The following ZNF829 variants were observed in gnomAD, a reference collection of about 807,000 sequenced individuals.
ZNF829 encodes zinc finger protein 829.
In ZNF829, 25 loss-of-function variants were observed where a neutral mutation model predicts 35.2. The ratio of observed to expected loss-of-function variants is 0.71; its 90% CI spans 0.52 to 0.99. The LOEUF (loss-of-function observed/expected upper bound fraction) is 0.99. Ranked by LOEUF, ZNF829 falls within the 50% of genes least tolerant of loss-of-function variation. ZNF829 has a pLI of 0.00. For synonymous variants in ZNF829, 136 were observed against 163.2 expected, an observed-to-expected ratio of 0.83 and a Z score of 1.27; for missense variants, 417 against 515.3, an observed-to-expected ratio of 0.81 and a Z score of 1.85.
chr19:36,902,610 A>T (rs1337438040), intron 5 of ZNF829, among the ~76,000 whole-genome samples: 1 of 151,782 alleles, frequency 6.6e-6, no homozygotes, highest in Non-Finnish European at 1.5e-5. Flanking sequence ...GCACCACTGC[A>T]CTCCAGCCTG....
At chr19:36,902,909 G>A (rs1482296313) in intron 5 of ZNF829, among the ~76,000 whole-genome samples, 3 of 152,076 alleles carry the variant, frequency 2.0e-5, no homozygotes, top group Admixed American at 6.5e-5. Context: ...GGTGGCGCAC[G>A]CCTGTAATCC....
At chr19:36,902,066 G>A (rs2073171293) in intron 5 of ZNF829, 1 of 499,790 alleles carries the variant, frequency 2.0e-6, no homozygotes, top group South Asian at 2.2e-5. Flanking sequence ...GGTTATCTAT[G>A]TATCTGTTAC....
At position 36,908,333 on chromosome 19, in the gene ZNF829, C is replaced by A. The variant is rs2073235800; in HGVS notation, c.223G>T (p.Gly75Ter). 1.9e-6 allele frequency: 3 copies of A among 1,611,376 alleles called. No individual in the cohort carries two copies. The highest frequency in any genetic ancestry group is 2.5e-6 in the Non-Finnish European group (3 of 1,178,746). Reference protein sequence around the residue: ...LENFSNLVSVGLSNSKPAVIS... With the variant: ...LENFSNLVSV ...AATTTTGGGGAATAGTTATCCTTACCCACTGAAACCAGGTTGCTGAAATTC... is the reference window on the plus strand; with the variant it reads ...AATTTTGGGGAATAGTTATCCTTACACACTGAAACCAGGTTGCTGAAATTC... The change falls in exon 4 of 6, where the codon GGA becomes TGA. Residue 75 changes from glycine to a stop codon, truncating the protein, a stop_gained and splice_region_variant. Coordinates refer to ENST00000391711, the MANE Select transcript of ZNF829 (RefSeq NM_001037232.4). LOFTEE classifies it high-confidence loss of function.
chr19:36,914,968 G>A lies in ZNF829; in HGVS notation c.93C>T (p.Ser31=). ...RMHDELLQAV[S]KGPVMFRDVS... The stretch of plus-strand genomic sequence containing the variant: ...AAAAGAGGAAACCCCAACACACCTT[G>A]GATACTGCTTGTAGAAGTTCATCAT... The change falls in exon 3 of 6, where the codon TCC becomes TCT. Residue 31 remains serine (S), a synonymous_variant. Coordinates refer to ENST00000391711, the MANE Select transcript of ZNF829 (RefSeq NM_001037232.4). 1 of 1,614,052 alleles carries A rather than the reference G, an allele frequency of 6.2e-7. No homozygotes were observed. Among genetic ancestry groups the A allele is most frequent in the Non-Finnish European group, 8.5e-7 (1 of 1,179,952 alleles).
rs1336102469 is a variant in ZNF829 at position 36,916,212 on chromosome 19, G to T, written c.-286C>A. 3 of 445,080 alleles carry T rather than the reference G, an allele frequency of 6.7e-6. No homozygotes were observed. Among genetic ancestry groups the T allele is most frequent in the Non-Finnish European group, 1.2e-5 (3 of 249,430 alleles). The allele number at this position is 445,080 out of a possible 1,614,324, so 27.6% of individuals were successfully genotyped here. On this transcript the variant is annotated 5_prime_UTR_variant, in exon 1 of 6. Coordinates refer to ENST00000391711, the MANE Select transcript of ZNF829 (RefSeq NM_001037232.4). The surrounding 1 kb of genome is among the most constrained non-coding windows in gnomAD (Gnocchi z 5.3). ...CCGAGCCTCGGAGTTGCGGGTCGCCGTAGCGCTGCGCAATGGAGATGAGCC... is the reference window on the plus strand; with the variant it reads ...CCGAGCCTCGGAGTTGCGGGTCGCCTTAGCGCTGCGCAATGGAGATGAGCC...
intron 3 of ZNF829, among the ~76,000 whole-genome samples, chr19:36,914,472 C>T (rs2073289966): frequency 6.6e-6 from 1 of 151,964 alleles, no homozygotes; most frequent in South Asian, 2.1e-4. Flanking sequence ...TATTATTAAT[C>T]ACGGAAACCC....
At chr19:36,903,128 A>T (rs147906801) in intron 5 of ZNF829, among the ~76,000 whole-genome samples, 1 of 152,306 alleles carries the variant, frequency 6.6e-6, no homozygotes, top group East Asian at 1.9e-4. Flanking sequence ...AGTCAACTTC[A>T]AGAAAATGGA....
intron 1 of ZNF829, among the ~76,000 whole-genome samples, chr19:36,915,599 G>T (rs942690011): frequency 2.6e-5 from 4 of 151,082 alleles, no homozygotes; most frequent in Non-Finnish European, 5.9e-5. Context: ...TCTTTTTTTG[G>T]GGGGGTGGGG....
Position 36,897,222 on chromosome 19 carries a change from T to C in ZNF829, c.320-4751A>G, listed in dbSNP as rs76875733. The stretch of plus-strand genomic sequence containing the variant: ...CCATTCTACAAGGCCAGCATTACCC[T>C]GATACCAAAACCAGAGAAGGACACA... On this transcript the variant is annotated intron_variant, in intron 5 of 5. Coordinates refer to ENST00000391711, the MANE Select transcript of ZNF829 (RefSeq NM_001037232.4). Among the ~76,000 whole-genome samples, 1,201 of 152,242 alleles carry C rather than the reference T, an allele frequency of 7.9e-3. 19 individuals carry two copies. Among genetic ancestry groups the C allele is most frequent in the African/African-American group, 0.027 (1,140 of 41,536 alleles).
intron 3 of ZNF829, among the ~76,000 whole-genome samples, chr19:36,911,059 T>C (rs1305525249): frequency 6.6e-6 from 1 of 152,078 alleles, no homozygotes; most frequent in Non-Finnish European, 1.5e-5. Flanking sequence ...ATCATAAGTA[T>C]AGTGCTTTCC....
At chr19:36,912,387 G>C (rs892099996) in intron 3 of ZNF829, among the ~76,000 whole-genome samples, 2 of 152,102 alleles carry the variant, frequency 1.3e-5, no homozygotes, top group Non-Finnish European at 2.9e-5. Flanking sequence ...TAGAAATTAT[G>C]AGGAAAAAGT....
chr19:36,904,271 A>G (rs1171918903), intron 5 of ZNF829, among the ~76,000 whole-genome samples: 1 of 152,226 alleles, frequency 6.6e-6, no homozygotes, highest in Middle Eastern at 3.2e-3. Flanking sequence ...AAGACAAAAC[A>G]TACTATGCAA....
chr19:36,896,716 G>A (rs1289219209), intron 5 of ZNF829, among the ~76,000 whole-genome samples: 4 of 152,146 alleles, frequency 2.6e-5, no homozygotes, highest in Admixed American at 1.3e-4. Context: ...GAGACCATAC[G>A]TTAGGCCATA....
chr19:36,897,611 G>T (rs546540349), intron 5 of ZNF829, among the ~76,000 whole-genome samples: 18 of 152,230 alleles, frequency 1.2e-4, no homozygotes, highest in African/African-American at 4.3e-4. Flanking sequence ...GGGAAAAGCC[G>T]AAAGCTTTTC....
chr19:36,916,214 A>G lies in ZNF829; in HGVS notation c.-288T>C. The G allele has an allele frequency of 2.3e-6, 1 of 439,098 alleles. No individual in the cohort carries two copies. The highest frequency in any genetic ancestry group is 4.1e-6 in the Non-Finnish European group (1 of 246,010). 27.2% of individuals were successfully genotyped at this position (439,098 alleles called of 1,614,324 possible). On this transcript the variant is annotated 5_prime_UTR_variant, in exon 1 of 6. Transcript: ENST00000391711. The surrounding 1 kb of genome is among the most constrained non-coding windows in gnomAD (Gnocchi z 5.3). ...GAGCCTCGGAGTTGCGGGTCGCCGT[A>G]GCGCTGCGCAATGGAGATGAGCCTC...
At chr19:36,910,315 C>A (rs756866008) in intron 3 of ZNF829, among the ~76,000 whole-genome samples, 1 of 152,150 alleles carries the variant, frequency 6.6e-6, no homozygotes, top group Non-Finnish European at 1.5e-5. Flanking sequence ...AAACTCCTGA[C>A]CTCAAGTGAT....
chr19:36,910,776 G>C (rs181396161), intron 3 of ZNF829, among the ~76,000 whole-genome samples: 10 of 152,250 alleles, frequency 6.6e-5, no homozygotes, highest in Admixed American at 3.3e-4. Context: ...GGAAGCCAAG[G>C]GGGGTGGATC....
chr19:36,892,060 T>A lies in ZNF829; in HGVS notation c.731A>T (p.Glu244Val). 1 of 1,613,946 alleles carries A rather than the reference T, an allele frequency of 6.2e-7. No individual in the cohort carries two copies. Among genetic ancestry groups the A allele is most frequent in the Non-Finnish European group, 8.5e-7 (1 of 1,179,954 alleles). ...GCAATACTTAAAGGCTTTTCCACAT[T>A]CCTTACATTCATAGGGTTTCTCACC... ...HTGEKPYECK[E>V]CGKAFKYCSN... Residue 244 changes from glutamate to valine, a missense_variant, in exon 6 of 6, where the codon GAA becomes GTA. Glu to Val is a moderately radical substitution (Grantham distance 121). Transcript: ENST00000391711.
At chr19:36,896,277 C>T (rs2073111806) in intron 5 of ZNF829, among the ~76,000 whole-genome samples, 1 of 149,734 alleles carries the variant, frequency 6.7e-6, no homozygotes, top group Admixed American at 6.7e-5. Flanking sequence ...CACCACTGCA[C>T]TCCAGCTTGG....
Sources: allele counts gnomAD v4.1 joint callset (sites outside exome capture counted in the v4.1 genomes callset), GRCh38; gene constraint gnomAD v4.1.1; non-coding constraint Gnocchi (gnomAD v3.1); transcripts MANE v1.5; gene names NCBI Gene and HGNC (gene_info 2026-07-23, HGNC 2026-07-21).